LRCH2: variants seen among roughly 807,000 people sequenced by gnomAD.
The protein encoded by LRCH2 is leucine-rich repeat and calponin homology domain-containing protein 2.
LRCH2 carries 38 observed loss-of-function variants against 68.9 expected under a neutral mutation model. The observed-to-expected ratio is 0.55, with a 90% CI of 0.43 to 0.72. The LOEUF (loss-of-function observed/expected upper bound fraction) is 0.72, where lower values mean the gene tolerates loss of function less well. LRCH2 is among the 30% of genes least tolerant of loss of function. The pLI is 0.00. For synonymous variants in LRCH2, 191 were observed against 208.1 expected (o/e 0.92, Z 0.71); for missense variants, 528 against 572.9 (o/e 0.92, Z 0.80).
intron 1 of LRCH2, among the ~76,000 whole-genome samples, chrX:115,217,762 T>C (rs1556572078): frequency 9.0e-6 from 1 of 111,590 alleles, no homozygotes; most frequent in Non-Finnish European, 1.9e-5. Flanking sequence ...GATTGCTGGG[T>C]CAAATGGTAT....
chrX:115,179,378 A>G, intron 5 of LRCH2, 49 bp downstream of exon 5: 1 of 988,949 alleles, frequency 1.0e-6, no homozygotes, highest in Non-Finnish European at 1.3e-6. Context: ...AAACAGATAA[A>G]ATTATGAATA....
chrX:115,197,239 A>G (rs62601533), intron 1 of LRCH2, among the ~76,000 whole-genome samples: 11,614 of 110,974 alleles, frequency 0.1, 602 homozygotes, highest in Non-Finnish European at 0.16. Flanking sequence ...TGAAAAAGCT[A>G]AGTAATATTA....
intron 3 of LRCH2, among the ~76,000 whole-genome samples, chrX:115,180,162 C>G (rs1367132906): frequency 9.0e-6 from 1 of 111,323 alleles, no homozygotes; most frequent in Admixed American, 9.6e-5. Context: ...TGGGCAGAAG[C>G]TAAGAAAGTC....
intron 5 of LRCH2, among the ~76,000 whole-genome samples, chrX:115,178,428 G>A (rs1254910304): frequency 1.1e-4 from 12 of 112,195 alleles, no homozygotes; most frequent in Admixed American, 1.0e-3. Context: ...GACCAGTGTC[G>A]ATTATAAAAC....
At chrX:115,206,162 CAGGGAATTTAAT>C (rs1265431748) in intron 1 of LRCH2, among the ~76,000 whole-genome samples, 2 of 112,179 alleles carry the variant, frequency 1.8e-5, no homozygotes, top group African/African-American at 6.5e-5. Context: ...GAAGCTCCCT[CAGGGAATTTAAT>C]TAAATGTGCA....
intron 11 of LRCH2, among the ~76,000 whole-genome samples, chrX:115,162,851 C>T (rs1205219341): frequency 9.0e-6 from 1 of 110,870 alleles, no homozygotes; most frequent in Non-Finnish European, 1.9e-5. Context: ...ATGTTAAATG[C>T]ACCAAAATTA....
chrX:115,177,291 T>C (rs782690908), intron 5 of LRCH2, among the ~76,000 whole-genome samples: 2 of 110,262 alleles, frequency 1.8e-5, no homozygotes, highest in South Asian at 4.0e-4. Flanking sequence ...TCTGTGTGCA[T>C]GGGGAAGTTT....
At chrX:115,169,976 C>G (rs2072592752) in intron 6 of LRCH2, among the ~76,000 whole-genome samples, 1 of 111,655 alleles carries the variant, frequency 9.0e-6, no homozygotes, top group Non-Finnish European at 1.9e-5. Flanking sequence ...AAGTCAAATT[C>G]TACTTGTTGT....
At chrX:115,197,545 T>C (rs782045326) in intron 1 of LRCH2, among the ~76,000 whole-genome samples, 1 of 110,676 alleles carries the variant, frequency 9.0e-6, no homozygotes, top group African/African-American at 3.3e-5. Context: ...TGAGCCCAGG[T>C]GTTTAGGACC....
rs1241916663 is a variant in LRCH2, at chrX:115,112,527, C to T, written c.*689G>A. On this transcript the variant is annotated 3_prime_UTR_variant, in exon 21 of 21. Transcript: ENST00000317135. ...CATTTAAATCCTCACATATTACTGA[C>T]TTTACAAAATCTACTAAAATATTTT... The T allele has an allele frequency of 2.7e-5, 3 of 111,360 alleles. No homozygotes were observed. Among genetic ancestry groups the T allele is most frequent in the African/African-American group, 9.8e-5 (3 of 30,692 alleles). The allele number at this position is 111,360 out of a possible 1,213,427, so 9.2% of individuals were successfully genotyped here. A position where few individuals can be genotyped will look rare whatever the true frequency, so the allele number is the denominator to read the frequency against.
rs1248412836 is a variant in LRCH2, at chrX:115,218,563, ATTGT to A, written c.349+15126_349+15129del. Among the ~76,000 whole-genome samples, 4 of 112,222 alleles carry A rather than the reference ATTGT, an allele frequency of 3.6e-5. No individual in the cohort carries two copies. In the Admixed American group the frequency reaches 3.8e-4, roughly 11 times the overall value. ...TATAACTTTGTAACTTCAGCCTCTG[ATTGT>A]TTGTTTTTTGCAACCAATCAGACTG... On this transcript the variant is annotated intron_variant, in intron 1 of 20. Coordinates refer to ENST00000317135, the MANE Select transcript of LRCH2 (RefSeq NM_020871.4).
At chrX:115,190,923 C>T (rs1556558359) in intron 1 of LRCH2, 1 of 1,165,249 alleles carries the variant, frequency 8.6e-7, no homozygotes, top group East Asian at 3.3e-5. Context: ...ACAGTGGGGG[C>T]CACGACAATT....
chrX:115,127,202 A>T (rs1292148148), intron 15 of LRCH2, among the ~76,000 whole-genome samples: 1 of 111,722 alleles, frequency 9.0e-6, no homozygotes, highest in Non-Finnish European at 1.9e-5. Flanking sequence ...ATATAATAGC[A>T]GGGACGTGTT....
At chrX:115,172,345 C>G (rs1278375483) in intron 5 of LRCH2, among the ~76,000 whole-genome samples, 1 of 112,171 alleles carries the variant, frequency 8.9e-6, no homozygotes, top group Non-Finnish European at 1.9e-5. Flanking sequence ...ACTTCTATGC[C>G]TCTGTTTTCT....
intron 1 of LRCH2, among the ~76,000 whole-genome samples, chrX:115,215,037 A>C: frequency 8.9e-6 from 1 of 112,613 alleles, no homozygotes; most frequent in Non-Finnish European, 1.9e-5. Flanking sequence ...TGTCATTTCA[A>C]ATCAATGTAG....
intron 15 of LRCH2, 104 bp downstream of exon 15, chrX:115,130,051 C>A (rs2072229946): frequency 2.5e-6 from 1 of 405,133 alleles, no homozygotes; most frequent in Non-Finnish European, 4.2e-6. Context: ...TGCATTAAAT[C>A]AATAACAAAG....
chrX:115,150,369 A>T (rs2072423070), intron 12 of LRCH2, among the ~76,000 whole-genome samples: 1 of 111,141 alleles, frequency 9.0e-6, no homozygotes, highest in South Asian at 3.7e-4. Flanking sequence ...TTGTCAAAGG[A>T]CAGACAGGAT....
At chrX:115,143,361 C>T (rs1304565584) in intron 14 of LRCH2, among the ~76,000 whole-genome samples, 5 of 110,707 alleles carry the variant, frequency 4.5e-5, no homozygotes, top group Middle Eastern at 4.6e-3. Context: ...AACTATGTGC[C>T]GATAAATTGG....
Position 115,171,674 on chromosome X carries a change from G to GT in LRCH2, c.865-1243dup, listed in dbSNP as rs1209112953. On this transcript the variant is annotated intron_variant, in intron 5 of 20. Coordinates refer to ENST00000317135, the MANE Select transcript of LRCH2 (RefSeq NM_020871.4). ...CTCAATTCTACTTCTCCTTTTTTTT[G>GT]TTTTTTTGTTTTTTTTTTGCTTGTT... 1.2e-4 allele frequency among the ~76,000 whole-genome samples: 13 copies of GT among 107,217 alleles called. No homozygotes were observed. In the South Asian group the frequency reaches 3.2e-3, roughly 26 times the overall value. The allele number at this position is 107,217 out of a possible 115,157, so 93.1% of individuals were successfully genotyped here. A position where few individuals can be genotyped will look rare whatever the true frequency, so the allele number is the denominator to read the frequency against.
Sources: allele counts gnomAD v4.1 joint callset (sites outside exome capture counted in the v4.1 genomes callset), GRCh38; gene constraint gnomAD v4.1.1; transcripts MANE v1.5; gene names NCBI Gene and HGNC (gene_info 2026-07-23, HGNC 2026-07-21).